Variants in ZFR2 observed in about 807,000 individuals in gnomAD.
ZFR2 encodes zinc finger RNA binding protein 2.
ZFR2 carries 104 observed loss-of-function variants against 105.7 expected under a neutral mutation model. The observed-to-expected ratio is 0.98, with a 90% CI of 0.84 to 1.16. The LOEUF is 1.16. Among genes scored for constraint, ZFR2 ranks in the 50% most tolerant of loss-of-function variants. ZFR2 has a pLI of 0.00. For missense variants in ZFR2, 1,425 were observed against 1,355.5 expected (o/e 1.05, Z -0.80); for synonymous variants, 634 against 597.7 (o/e 1.06, Z -0.89).
chr19:3,806,170 C>G (rs760801453), intron 18 of ZFR2, 45 bp from the exon 19 acceptor site: 2 of 1,390,782 alleles, frequency 1.4e-6, no homozygotes, highest in Non-Finnish European at 1.9e-6. Context: ...CCGCTCTGCT[C>G]CCCGAGTGCT....
chr19:3,824,504 ACT>A (rs1292646637), intron 7 of ZFR2, among the ~76,000 whole-genome samples: 7 of 151,910 alleles, frequency 4.6e-5, no homozygotes, highest in Admixed American at 4.6e-4. Context: ...TACCCATATA[ACT>A]CTGATTCTGA....
chr19:3,829,454 TTGTGTGTGTG>T (rs113401682), intron 5 of ZFR2, among the ~76,000 whole-genome samples: 2 of 149,648 alleles, frequency 1.3e-5, no homozygotes, highest in Non-Finnish European at 3.0e-5. Flanking sequence ...ATAGGTAGGT[TTGTGTGTGTG>T]TGTGTGTGTG....
intron 1 of ZFR2, among the ~76,000 whole-genome samples, chr19:3,853,340 C>T (rs913043002): frequency 1.3e-5 from 2 of 152,300 alleles, no homozygotes; most frequent in South Asian, 2.1e-4. Context: ...TGTGGCCTCC[C>T]GCCCTGCCCT....
Position 3,805,988 on chromosome 19 carries a change from C to T in ZFR2, c.2781G>A (p.Glu927=). 6.5e-7 allele frequency: 1 copy of T among 1,543,996 alleles called. No individual in the cohort carries two copies. ...GPGEGEEGAG[E]KKRGRRGGEG... ...CTCCGCCCCGCCGGCCCCGCTTCTT[C>T]TCCCCTGCGCCCTCCTCTCCCTCGC... The change falls in exon 19 of 19, where the codon GAG becomes GAA. Residue 927 remains glutamate (E), a synonymous_variant. Coordinates refer to ENST00000262961, the MANE Select transcript of ZFR2 (RefSeq NM_015174.2).
At position 3,841,056 on chromosome 19, in the gene ZFR2, G is replaced by A. The variant is rs373042837; in HGVS notation, c.54-6073C>T. 1.8e-4 allele frequency among the ~76,000 whole-genome samples: 28 copies of A among 152,270 alleles called. 3 individuals are homozygous for A. Among genetic ancestry groups the A allele is most frequent in the East Asian group, 3.9e-4 (2 of 5,174 alleles). ...GCCTTGTTCGCTCTAGGTTGGCCAC[G>A]GTTCAGGGCCCGGGAGACCCAGGCC... On this transcript the variant is annotated intron_variant, in intron 1 of 18. Transcript: ENST00000262961.
intron 1 of ZFR2, among the ~76,000 whole-genome samples, chr19:3,853,296 C>A (rs1219099265): frequency 5.9e-5 from 9 of 152,172 alleles, no homozygotes; most frequent in African/African-American, 2.2e-4. Flanking sequence ...CTGACTCCCC[C>A]TTGCCTTCTC....
intron 3 of ZFR2, 53 bp downstream of exon 3, chr19:3,833,611 G>T: frequency 7.3e-7 from 1 of 1,363,244 alleles, no homozygotes; most frequent in Non-Finnish European, 1.0e-6. Context: ...AGGTTTCCCT[G>T]TGCTGCGGGG....
chr19:3,813,788 G>A lies in ZFR2; in HGVS notation c.2242+32C>T, dbSNP rs755135272. On this transcript the variant is annotated intron_variant, in intron 14 of 18. Coordinates refer to ENST00000262961, the MANE Select transcript of ZFR2 (RefSeq NM_015174.2). The surrounding 1 kb of genome is among the most constrained non-coding windows in gnomAD (Gnocchi z 4.4). ...GAGCGCCCTGGGGAAGCGTGAGGGG[G>A]ACAGTGGTTGGAAGGAAGGGCTGGG... 1.9e-6 allele frequency: 3 copies of A among 1,611,646 alleles called. No homozygotes were observed. Among genetic ancestry groups the A allele is most frequent in the Non-Finnish European group, 2.5e-6 (3 of 1,178,848 alleles).
rs773253351 is a variant in ZFR2 at position 3,806,028 on chromosome 19, C to T, written c.2741G>A (p.Arg914Lys). The change falls in exon 19 of 19, where the codon AGG (arginine) becomes AAG (lysine). Residue 914 changes from arginine to lysine, a missense_variant. Arg to Lys is a conservative substitution (Grantham distance 26). Coordinates refer to ENST00000262961, the MANE Select transcript of ZFR2 (RefSeq NM_015174.2). ...RHRLGARFRK[R>K]QRGPGEGEEG... is the part of the protein sequence containing the mutation. ...CTCTCCCTCGCCAGGTCCCCGTTGC[C>T]TCTTCCGGAAGCGGGCCCCCAGCCG... is the stretch of plus-strand genomic sequence containing the variant. The T allele has an allele frequency of 6.5e-7, 1 of 1,545,274 alleles. No individual in the cohort carries two copies. The highest frequency in any genetic ancestry group is 8.7e-7 in the Non-Finnish European group (1 of 1,146,474).
chr19:3,816,820 G>T lies in ZFR2; in HGVS notation c.1957C>A (p.Leu653Met). 1 of 1,574,674 alleles carries T rather than the reference G, an allele frequency of 6.4e-7. No homozygotes were observed. Among genetic ancestry groups the T allele is most frequent in the Non-Finnish European group, 8.6e-7 (1 of 1,161,410 alleles). The change falls in exon 13 of 19, where the codon CTG becomes ATG. Residue 653 changes from leucine to methionine, a missense_variant. Coordinates refer to ENST00000262961, the MANE Select transcript of ZFR2 (RefSeq NM_015174.2). ...RSSVAPQTRVLKGVMRVGILA... is the reference protein window; with the variant it reads ...RSSVAPQTRVMKGVMRVGILA... Reference sequence around the variant, plus strand: ...ATGCCTACTCGCATGACGCCTTTCAGGACCCGAGTCTGGGGGGCAACGCTG... The same window carrying T: ...ATGCCTACTCGCATGACGCCTTTCATGACCCGAGTCTGGGGGGCAACGCTG...
chr19:3,850,900 CAAAAAA>C (rs59933286), intron 1 of ZFR2, among the ~76,000 whole-genome samples: 106 of 92,492 alleles, frequency 1.1e-3, no homozygotes, highest in South Asian at 3.1e-3. Context: ...GCAGTCTTTT[CAAAAAA>C]AAAAAAAAAA....
intron 1 of ZFR2, among the ~76,000 whole-genome samples, chr19:3,846,546 G>T (rs1281598577): frequency 6.6e-6 from 1 of 152,154 alleles, no homozygotes; most frequent in East Asian, 1.9e-4. Flanking sequence ...CTGTACTTCT[G>T]CCCTGGGCCT....
chr19:3,861,862 G>A lies in ZFR2; in HGVS notation c.53+7103C>T, dbSNP rs578006200. Among the ~76,000 whole-genome samples the A allele has an allele frequency of 1.4e-3, 209 of 152,222 alleles. 2 individuals carry two copies. The highest frequency in any genetic ancestry group is 2.3e-3 in the Non-Finnish European group (155 of 68,028). On this transcript the variant is annotated intron_variant, in intron 1 of 18. Transcript: ENST00000262961. ...GATTGCTTAAACTCGTGAGCCAGACGTTGCAGTGAGCCGAGATCGCGCCAT... is the reference window on the plus strand; with the variant it reads ...GATTGCTTAAACTCGTGAGCCAGACATTGCAGTGAGCCGAGATCGCGCCAT...
At chr19:3,859,739 C>T (rs2038351345) in intron 1 of ZFR2, among the ~76,000 whole-genome samples, 1 of 152,190 alleles carries the variant, frequency 6.6e-6, no homozygotes, top group South Asian at 2.1e-4. Flanking sequence ...GTTTTACCAG[C>T]AGTAAGACGA....
intron 10 of ZFR2, 87 bp from the exon 11 acceptor site, chr19:3,820,377 C>A: frequency 7.7e-7 from 1 of 1,292,592 alleles, no homozygotes; most frequent in Non-Finnish European, 1.0e-6. Flanking sequence ...GCCTTATGCT[C>A]CCAGCAAGGA....
Position 3,858,282 on chromosome 19 carries a change from G to A in ZFR2, c.53+10683C>T, listed in dbSNP as rs2038331719. Among the ~76,000 whole-genome samples, 1 of 152,174 alleles carries A rather than the reference G, an allele frequency of 6.6e-6. No individual in the cohort carries two copies. Among genetic ancestry groups the A allele is most frequent in the African/African-American group, 2.4e-5 (1 of 41,440 alleles). On this transcript the variant is annotated intron_variant, in intron 1 of 18. Transcript: ENST00000262961. This position sits in a 1 kb window ranked among gnomAD's most constrained non-coding sequence, Gnocchi z 4.3. ...AGGCTTAGGTGTGGTCCACACTTCA[G>A]AGGGACACGGGTGGGATCTGCAGAT...
intron 13 of ZFR2, among the ~76,000 whole-genome samples, chr19:3,814,502 C>T (rs1291924437): frequency 6.6e-6 from 1 of 152,210 alleles, no homozygotes; most frequent in Admixed American, 6.5e-5. Flanking sequence ...ACCTGAAACG[C>T]ACCTCTCTCC....
At chr19:3,866,201 A>G (rs2038425374) in intron 1 of ZFR2, among the ~76,000 whole-genome samples, 1 of 152,224 alleles carries the variant, frequency 6.6e-6, no homozygotes. Context: ...CCCACAAGAA[A>G]GAATGTCTAG....
intron 7 of ZFR2, 83 bp downstream of exon 7, chr19:3,825,147 T>C (rs1349560844): frequency 1.0e-5 from 14 of 1,374,512 alleles, no homozygotes; most frequent in Non-Finnish European, 1.2e-5. Context: ...GAAAATCGAC[T>C]GGATGGTAGA....
Sources: allele counts gnomAD v4.1 joint callset (sites outside exome capture counted in the v4.1 genomes callset), GRCh38; gene constraint gnomAD v4.1.1; non-coding constraint Gnocchi (gnomAD v3.1); transcripts MANE v1.5; gene names NCBI Gene and HGNC (gene_info 2026-07-23, HGNC 2026-07-21).